The following RBFOX1 variants were observed in gnomAD, a reference collection of about 807,000 sequenced individuals.
RBFOX1 encodes the protein RNA binding fox-1 homolog 1, also known as RNA binding protein fox-1 homolog 1.
In RBFOX1, 8 loss-of-function variants were observed where a neutral mutation model predicts 57.7. The ratio of observed to expected loss-of-function variants is 0.14; its 90% CI spans 0.08 to 0.25. The LOEUF (loss-of-function observed/expected upper bound fraction) is 0.25. Among genes scored for constraint, RBFOX1 ranks in the 10% least tolerant of loss-of-function variants. The probability of loss-of-function intolerance (pLI) is 1.00; values close to 1 mark genes in which losing one functional copy is unlikely to be tolerated. For synonymous variants in RBFOX1, 326 were observed against 222.4 expected, an observed-to-expected ratio of 1.47 and a Z score of -4.15; for missense variants, 611 against 548.5, an observed-to-expected ratio of 1.11 and a Z score of -1.14.
chr16:6,854,165 A>G (rs1288752266), intron 3 of RBFOX1, among the ~76,000 whole-genome samples: 1 of 152,156 alleles, frequency 6.6e-6, no homozygotes, highest in African/African-American at 2.4e-5. Flanking sequence ...TCTGACGTTT[A>G]TTAGTTTCAA....
intron 4 of RBFOX1, among the ~76,000 whole-genome samples, chr16:7,271,835 C>T (rs116040906): frequency 4.6e-5 from 7 of 152,036 alleles, no homozygotes; most frequent in Admixed American, 1.3e-4. Flanking sequence ...AAAAAAAAAT[C>T]TCAAAGCTAT....
intron 4 of RBFOX1, among the ~76,000 whole-genome samples, chr16:7,312,906 G>A (rs530706055): frequency 1.5e-4 from 23 of 151,986 alleles, no homozygotes; most frequent in African/African-American, 4.8e-4. Flanking sequence ...AGAGTCTGGC[G>A]GAGCTCTCTG....
At chr16:7,556,942 A>T (rs2088706438) in intron 5 of RBFOX1, among the ~76,000 whole-genome samples, 1 of 152,176 alleles carries the variant, frequency 6.6e-6, no homozygotes, top group Admixed American at 6.5e-5. Context: ...GTTTCTAAGG[A>T]TTTCTCCCAA....
chr16:6,669,686 C>A (rs1377684162), intron 3 of RBFOX1, among the ~76,000 whole-genome samples: 2 of 152,126 alleles, frequency 1.3e-5, no homozygotes, highest in Non-Finnish European at 2.9e-5. Flanking sequence ...CACTTAAGAT[C>A]TACCCTCTTA....
chr16:6,923,527 C>G (rs571838152), intron 3 of RBFOX1, among the ~76,000 whole-genome samples: 1 of 151,882 alleles, frequency 6.6e-6, no homozygotes, highest in Admixed American at 6.6e-5. Flanking sequence ...AGAAAGACTC[C>G]ATCTCAAAAA....
At chr16:5,939,984 C>T (rs947827386) in intron 4 of RBFOX1, among the ~76,000 whole-genome samples, 1 of 152,218 alleles carries the variant, frequency 6.6e-6, no homozygotes, top group Admixed American at 6.5e-5. Flanking sequence ...CCTCTCTGAG[C>T]TTCAGATTTC....
chr16:6,814,877 C>T (rs558716286), intron 3 of RBFOX1, among the ~76,000 whole-genome samples: 2 of 152,054 alleles, frequency 1.3e-5, no homozygotes, highest in East Asian at 3.9e-4. Flanking sequence ...TTGGACCTTG[C>T]ACAGAAAAGA....
chr16:7,144,838 G>A (rs995798675), intron 4 of RBFOX1, among the ~76,000 whole-genome samples: 1 of 152,166 alleles, frequency 6.6e-6, no homozygotes. Flanking sequence ...CCGAGAAGGT[G>A]ATTGCTGAAG....
At position 7,029,071 on chromosome 16, in the gene RBFOX1, TATATATATATACACACACACACACACAC is replaced by T. The variant is rs1489429114; in HGVS notation, c.-15-22984_-15-22957del. 7.8e-4 allele frequency among the ~76,000 whole-genome samples: 20 copies of T among 25,554 alleles called. 3 individuals carry two copies. Among genetic ancestry groups the T allele is most frequent in the African/African-American group, 4.0e-3 (20 of 4,998 alleles). 16.8% of individuals were successfully genotyped at this position (25,554 alleles called of 152,430 possible). On this transcript the variant is annotated intron_variant, in intron 3 of 15. Transcript: ENST00000550418. ...CTATATATATATATATATATATATATATATATATATACACACACACACACACACACACACACACACACACACACACATA... is the reference window on the plus strand; with the variant it reads ...CTATATATATATATATATATATATATACACACACACACACACACACACATA...
chr16:7,179,891 C>T (rs922371715), intron 4 of RBFOX1, among the ~76,000 whole-genome samples: 59 of 151,780 alleles, frequency 3.9e-4, no homozygotes, highest in Admixed American at 1.2e-3. Context: ...TCTGCCACCA[C>T]GTCCAGCTAA....
rs565334817 is a variant in RBFOX1, at chr16:6,388,876, A to T, written c.-64+71819A>T. Among the ~76,000 whole-genome samples, 179 of 152,344 alleles carry T rather than the reference A, an allele frequency of 1.2e-3. 1 individual carries two copies. The highest frequency in any genetic ancestry group is 2.9e-3 in the Admixed American group (45 of 15,306). ...CTCAGTAATATGTGGAATCTAAAAA[A>T]AGTTGAACTCACAGAAGCAGAGAGT... On this transcript the variant is annotated intron_variant, in intron 2 of 15. Transcript: ENST00000550418.
chr16:6,735,591 T>A (rs1387184546), intron 3 of RBFOX1, among the ~76,000 whole-genome samples: 1 of 152,222 alleles, frequency 6.6e-6, no homozygotes, highest in African/African-American at 2.4e-5. Flanking sequence ...TTATGTCCCA[T>A]TGCATGGCTA....
intron 4 of RBFOX1, chr16:7,332,740 C>G: frequency 7.5e-7 from 1 of 1,340,072 alleles, no homozygotes; most frequent in Non-Finnish European, 9.6e-7. Context: ...CAAGCTGTTC[C>G]CAAAATAGCA....
Position 5,896,073 on chromosome 16 carries a change from T to C in RBFOX1, c.351+28738T>C, listed in dbSNP as rs528411162. Reference sequence around the variant, plus strand: ...GAGGGGATTTTCCTTAGGAGATTTATTGGGGAAGTGCCGTCAGGAGAAGGG... The same window carrying C: ...GAGGGGATTTTCCTTAGGAGATTTACTGGGGAAGTGCCGTCAGGAGAAGGG... On this transcript the variant is annotated intron_variant, in intron 4 of 19. Coordinates refer to the RBFOX1 transcript ENST00000641259. Among the ~76,000 whole-genome samples the C allele has an allele frequency of 7.2e-5, 11 of 152,150 alleles. No individual in the cohort carries two copies. The South Asian group carries it at 8.3e-4, about 11-fold the overall frequency.
intron 2 of RBFOX1, among the ~76,000 whole-genome samples, chr16:6,323,841 C>G (rs1411755693): frequency 6.6e-6 from 1 of 151,564 alleles, no homozygotes; most frequent in Non-Finnish European, 1.5e-5. Flanking sequence ...GGTGTGATAT[C>G]TGCTCACTGC....
chr16:5,410,145 C>G (rs949022791), intron 1 of RBFOX1, among the ~76,000 whole-genome samples: 1 of 151,694 alleles, frequency 6.6e-6, no homozygotes, highest in African/African-American at 2.4e-5. Context: ...GGGTGGAACA[C>G]TTCAGCCCAG....
chr16:7,400,483 G>T (rs1453029170), intron 4 of RBFOX1, among the ~76,000 whole-genome samples: 1 of 152,122 alleles, frequency 6.6e-6, no homozygotes, highest in Non-Finnish European at 1.5e-5. Context: ...TAAATTTATA[G>T]TGAAAGCTAC....
intron 1 of RBFOX1, among the ~76,000 whole-genome samples, chr16:5,372,596 C>T (rs572089017): frequency 2.0e-5 from 3 of 152,236 alleles, no homozygotes; most frequent in East Asian, 1.9e-4. Context: ...GCTGACTGCC[C>T]CTGTGGGGAG....
At chr16:6,123,654 C>G (rs969274084) in intron 1 of RBFOX1, among the ~76,000 whole-genome samples, 3 of 152,158 alleles carry the variant, frequency 2.0e-5, no homozygotes, top group African/African-American at 7.2e-5. Context: ...AAAGTAATTT[C>G]AGCACTTTGG....
Sources: allele counts gnomAD v4.1 joint callset (sites outside exome capture counted in the v4.1 genomes callset), GRCh38; gene constraint gnomAD v4.1.1; transcripts MANE v1.5; gene names NCBI Gene and HGNC (gene_info 2026-07-23, HGNC 2026-07-21).